Variants in DDX50 observed in about 807,000 individuals in gnomAD.
The protein encoded by DDX50 is DExD-box helicase 50.
A neutral mutation model predicts 94.8 loss-of-function variants in DDX50; 56 were observed. The observed-to-expected ratio is 0.59, with a 90% CI of 0.48 to 0.74. The LOEUF (loss-of-function observed/expected upper bound fraction) is 0.74. Ranked by LOEUF, DDX50 falls within the 30% of genes least tolerant of loss-of-function variation. The pLI is 0.00. For missense variants in DDX50, 713 were observed against 881.2 expected, an observed-to-expected ratio of 0.81 and a Z score of 2.42; for synonymous variants, 264 against 295.4, an observed-to-expected ratio of 0.89 and a Z score of 1.09.
At chr10:68,932,997 TAC>T (rs1177689924) in intron 8 of DDX50, among the ~76,000 whole-genome samples, 1 of 151,968 alleles carries the variant, frequency 6.6e-6, no homozygotes, top group African/African-American at 2.4e-5. Flanking sequence ...TACTGAAATA[TAC>T]AGATACTGAG....
chr10:68,929,305 C>T (rs1306289766), intron 8 of DDX50, among the ~76,000 whole-genome samples: 9 of 144,238 alleles, frequency 6.2e-5, no homozygotes, highest in African/African-American at 2.5e-4. Flanking sequence ...CTCTCTCTCT[C>T]TCTCTCTCTT....
At position 68,946,664 on chromosome 10, in the gene DDX50, C is replaced by T. The variant is rs1203770995; in HGVS notation, c.*34C>T. ...TAGTTAATCTACCAGTGTGAGCTTG[C>T]CTATTTCTGCCTAATCATGTACATT... On this transcript the variant is annotated 3_prime_UTR_variant, in exon 15 of 15. Coordinates refer to ENST00000373585, the MANE Select transcript of DDX50 (RefSeq NM_024045.2). 4 of 1,588,204 alleles carry T rather than the reference C, an allele frequency of 2.5e-6. No homozygotes were observed. The highest frequency in any genetic ancestry group is 2.6e-6 in the Non-Finnish European group (3 of 1,165,112).
chr10:68,910,306 G>C lies in DDX50; in HGVS notation c.385-1G>C. 1 of 1,597,212 alleles carries C rather than the reference G, an allele frequency of 6.3e-7. No individual in the cohort carries two copies. Among genetic ancestry groups the C allele is most frequent in the Non-Finnish European group, 8.5e-7 (1 of 1,174,954 alleles). On this transcript the variant is annotated splice_acceptor_variant, in intron 2 of 14. Transcript: ENST00000373585. LOFTEE classifies it high-confidence loss of function. ...TTAGGCCATTGATTTCATTTTTACA[G>C]ACCTTAACACGTGAACAGAAAGAAG...
chr10:68,935,499 ATT>A (rs1273044974), intron 10 of DDX50, among the ~76,000 whole-genome samples: 1 of 151,752 alleles, frequency 6.6e-6, no homozygotes, highest in East Asian at 1.9e-4. Context: ...TCAAAAAATT[ATT>A]TTTCTCTTTC....
chr10:68,935,986 T>C lies in DDX50; in HGVS notation c.1522-20T>C. The C allele has an allele frequency of 2.6e-6, 4 of 1,544,892 alleles. No individual in the cohort carries two copies. The highest frequency in any genetic ancestry group is 3.5e-6 in the Non-Finnish European group (4 of 1,131,788). On this transcript the variant is annotated intron_variant, in intron 10 of 14. Coordinates refer to ENST00000373585, the MANE Select transcript of DDX50 (RefSeq NM_024045.2). Reference sequence around the variant, plus strand: ...TGTAAAGACTTCCATTTTTCTTTAATGTAACTCTTTCATTTTCAGGGAATT... The same window carrying C: ...TGTAAAGACTTCCATTTTTCTTTAACGTAACTCTTTCATTTTCAGGGAATT...
intron 13 of DDX50, among the ~76,000 whole-genome samples, chr10:68,941,444 G>A (rs2132063807): frequency 6.6e-6 from 1 of 152,204 alleles, no homozygotes; most frequent in Admixed American, 6.5e-5. Flanking sequence ...CATACTGTAT[G>A]TGGTTGTGTA....
chr10:68,931,424 T>C (rs12411915), intron 8 of DDX50, among the ~76,000 whole-genome samples: 18,343 of 43,398 alleles, frequency 0.42, 2,234 homozygotes, highest in South Asian at 0.49. Context: ...TATATATATA[T>C]ATACACAAAC....
intron 7 of DDX50, among the ~76,000 whole-genome samples, chr10:68,919,043 G>A (rs1336877737): frequency 1.3e-5 from 2 of 152,148 alleles, no homozygotes; most frequent in African/African-American, 4.8e-5. Flanking sequence ...GTTTAGGTTT[G>A]TAGCCTAGGA....
At chr10:68,912,810 A>G (rs1841670264) in intron 4 of DDX50, among the ~76,000 whole-genome samples, 1 of 152,226 alleles carries the variant, frequency 6.6e-6, no homozygotes. Flanking sequence ...CCAACCTGAC[A>G]TAAATTCCTG....
intron 12 of DDX50, among the ~76,000 whole-genome samples, chr10:68,938,668 G>C (rs1842482291): frequency 6.6e-6 from 1 of 152,200 alleles, no homozygotes; most frequent in African/African-American, 2.4e-5. Context: ...TGGGGTATCT[G>C]ATGGTTTCTA....
intron 12 of DDX50, among the ~76,000 whole-genome samples, chr10:68,940,298 G>C (rs932702388): frequency 2.0e-5 from 3 of 151,256 alleles, no homozygotes; most frequent in Middle Eastern, 3.4e-3. Context: ...AAGACTGCTT[G>C]AGCCCAGAAG....
At chr10:68,909,712 G>C (rs1165363421) in intron 2 of DDX50, among the ~76,000 whole-genome samples, 2 of 152,052 alleles carry the variant, frequency 1.3e-5, no homozygotes, top group Non-Finnish European at 2.9e-5. Context: ...GCCCCGGCTG[G>C]AGTGCCATGG....
chr10:68,924,058 T>G (rs1379667771), intron 8 of DDX50, among the ~76,000 whole-genome samples: 1 of 147,984 alleles, frequency 6.8e-6, no homozygotes, highest in Non-Finnish European at 1.5e-5. Flanking sequence ...CAAGCGATTT[T>G]CCTGCCTCAG....
At chr10:68,915,146 G>T (rs1417657269) in intron 7 of DDX50, among the ~76,000 whole-genome samples, 1 of 152,156 alleles carries the variant, frequency 6.6e-6, no homozygotes, top group Non-Finnish European at 1.5e-5. Flanking sequence ...GGGCGTGGTG[G>T]CTTACGCCTG....
At chr10:68,930,114 C>CA in intron 8 of DDX50, among the ~76,000 whole-genome samples, 1 of 99,780 alleles carries the variant, frequency 1.0e-5, no homozygotes, top group South Asian at 3.3e-4. Context: ...CTTTCCTTTC[C>CA]TTTTTTTTTT....
chr10:68,911,240 A>T lies in DDX50; in HGVS notation c.633A>T (p.Ser211=), dbSNP rs1420865607. The change falls in exon 4 of 15, where the codon TCA becomes TCT. Residue 211 remains serine (S), a synonymous_variant. Coordinates refer to ENST00000373585, the MANE Select transcript of DDX50 (RefSeq NM_024045.2). ...RNQETIKKSR[S]PKVLVLAPTR... is the part of the protein sequence containing the mutation. Reference sequence around the variant, plus strand: ...AAGAAACAATTAAAAAAAGCCGCTCACCAAAGGTAATCGTTATAGGGGGTA... The same window carrying T: ...AAGAAACAATTAAAAAAAGCCGCTCTCCAAAGGTAATCGTTATAGGGGGTA... 1.3e-6 allele frequency: 2 copies of T among 1,595,626 alleles called. No individual in the cohort carries two copies. The highest frequency in any genetic ancestry group is 1.7e-6 in the Non-Finnish European group (2 of 1,174,646).
chr10:68,913,210 G>A lies in DDX50; in HGVS notation c.688G>A (p.Asp230Asn). Residue 230 changes from aspartate to asparagine, a missense_variant, in exon 5 of 15, where the codon GAC becomes AAC. Physicochemically the swap from Asp to Asn is conservative, Grantham distance 23. Transcript: ENST00000373585. The part of the protein sequence containing the change: ...TRELANQVAK[D>N]FKDITRKLSV... The stretch of plus-strand genomic sequence containing the variant: ...GGAACTGGCAAACCAAGTAGCCAAA[G>A]ACTTCAAAGATATAACTAGGAAACT... The A allele has an allele frequency of 1.2e-6, 2 of 1,613,208 alleles. No individual in the cohort carries two copies. Among genetic ancestry groups the A allele is most frequent in the Non-Finnish European group, 1.7e-6 (2 of 1,179,834 alleles).
chr10:68,931,426 T>TATACACACACACACACACACACAC (rs375773633), intron 8 of DDX50, among the ~76,000 whole-genome samples: 1 of 84,832 alleles, frequency 1.2e-5, no homozygotes, highest in Non-Finnish European at 2.3e-5. Flanking sequence ...TATATATATA[T>TATACACACACACACACACACACAC]ACACAAACAC....
Position 68,916,740 on chromosome 10 carries a change from A to G in DDX50, c.1089+2536A>G, listed in dbSNP as rs528720024. On this transcript the variant is annotated intron_variant, in intron 7 of 14. Transcript: ENST00000373585. ...CTCTTGTTGCCTAGTCTGCAGTGCA[A>G]TGGTGTGATCTCAGCACGCTGCAAC... Among the ~76,000 whole-genome samples the G allele has an allele frequency of 2.6e-5, 4 of 152,270 alleles. No individual in the cohort carries two copies. The East Asian group carries it at 7.7e-4, about 29-fold the overall frequency.
Sources: gnomAD v4.1 joint callset for allele counts (sites outside exome capture counted in the v4.1 genomes callset) on GRCh38, gnomAD v4.1.1 for gene constraint, MANE v1.5 for transcripts, NCBI Gene and HGNC (gene_info 2026-07-23, HGNC 2026-07-21) for gene names.